LRP1B: variants seen among roughly 807,000 people sequenced by gnomAD.
LRP1B encodes LDL receptor related protein 1B.
In LRP1B, 217 loss-of-function variants were observed where a neutral mutation model predicts 556.6. That is an observed-to-expected ratio of 0.39 (90% CI 0.35 to 0.44). The LOEUF (loss-of-function observed/expected upper bound fraction) is 0.44, where lower values mean the gene tolerates loss of function less well. LRP1B is among the 20% of genes least tolerant of loss of function. The pLI, the probability that LRP1B is intolerant of heterozygous loss-of-function variation, is 1.00. For missense variants in LRP1B, 5,053 were observed against 5,620.8 expected (o/e 0.90, Z 3.23); for synonymous variants, 2,047 against 1,865.8 (o/e 1.10, Z -2.50).
intron 1 of LRP1B, among the ~76,000 whole-genome samples, chr2:141,960,368 C>T (rs1336585401): frequency 1.3e-5 from 2 of 151,852 alleles, no homozygotes; most frequent in Non-Finnish European, 2.9e-5. Context: ...GACTCTCATT[C>T]CATTTTGCTT....
At chr2:141,864,424 C>A (rs903977924) in intron 1 of LRP1B, among the ~76,000 whole-genome samples, 1 of 152,100 alleles carries the variant, frequency 6.6e-6, no homozygotes, top group Non-Finnish European at 1.5e-5. Context: ...TCATTTAATT[C>A]CTTGGAGATC....
intron 2 of LRP1B, among the ~76,000 whole-genome samples, chr2:141,689,886 CTGAT>C (rs1691451927): frequency 1.3e-5 from 2 of 151,622 alleles, no homozygotes. Context: ...TATAAAAAGA[CTGAT>C]TGAAATGTAA....
chr2:141,034,811 G>T (rs1393902448), intron 11 of LRP1B, among the ~76,000 whole-genome samples: 1 of 149,208 alleles, frequency 6.7e-6, no homozygotes, highest in Non-Finnish European at 1.5e-5. Context: ...ATTCCTCAGG[G>T]ATCTAGAAGT....
chr2:141,691,660 C>T (rs1691537386), intron 2 of LRP1B, among the ~76,000 whole-genome samples: 1 of 151,816 alleles, frequency 6.6e-6, no homozygotes, highest in East Asian at 1.9e-4. Flanking sequence ...GCAGTATTTG[C>T]CATTATTAAT....
intron 31 of LRP1B, among the ~76,000 whole-genome samples, chr2:140,826,557 A>G (rs765667184): frequency 1.3e-5 from 2 of 152,194 alleles, no homozygotes; most frequent in African/African-American, 2.4e-5. Flanking sequence ...CCCTGAAGCC[A>G]TAGAGAAGTG....
intron 2 of LRP1B, among the ~76,000 whole-genome samples, chr2:141,499,546 GTTCT>G (rs1559106820): frequency 6.6e-6 from 1 of 151,956 alleles, no homozygotes; most frequent in Non-Finnish European, 1.5e-5. Context: ...TCTTTGGAAG[GTTCT>G]TTATGTTCCT....
intron 1 of LRP1B, among the ~76,000 whole-genome samples, chr2:141,982,915 TTC>T (rs906533852): frequency 6.6e-6 from 1 of 152,250 alleles, no homozygotes; most frequent in African/African-American, 2.4e-5. Flanking sequence ...TCATTTGCAT[TTC>T]TGTCACATTT....
chr2:141,420,107 G>C (rs1373506683), intron 3 of LRP1B, among the ~76,000 whole-genome samples: 1 of 152,122 alleles, frequency 6.6e-6, no homozygotes, highest in African/African-American at 2.4e-5. Context: ...TGAAAGTGGG[G>C]TATAAAAATG....
Position 140,739,265 on chromosome 2 carries a change from G to A in LRP1B, c.5759-22449C>T, listed in dbSNP as rs112536937. On this transcript the variant is annotated intron_variant, in intron 35 of 90. Transcript: ENST00000389484. ...ATTGTAGCCTTTGCAGAGATTTGGG[G>A]ATTTGCAAAGCAGGAATGTCAGAAG... is the stretch of plus-strand genomic sequence containing the variant. 1.5e-3 allele frequency among the ~76,000 whole-genome samples: 222 copies of A among 152,152 alleles called. 3 individuals carry two copies. Among genetic ancestry groups the A allele is most frequent in the African/African-American group, 5.1e-3 (210 of 41,504 alleles).
intron 84 of LRP1B, among the ~76,000 whole-genome samples, chr2:140,294,978 G>A (rs1444567191): frequency 2.0e-5 from 3 of 152,126 alleles, no homozygotes; most frequent in Non-Finnish European, 2.9e-5. Context: ...CTGGGTTCAC[G>A]CCATCATCCT....
intron 1 of LRP1B, among the ~76,000 whole-genome samples, chr2:142,052,676 C>A (rs1488986285): frequency 6.6e-6 from 1 of 152,032 alleles, no homozygotes; most frequent in Non-Finnish European, 1.5e-5. Flanking sequence ...TTTTTCCCTA[C>A]CACTCTCATC....
chr2:141,378,836 G>A (rs1483610161), intron 3 of LRP1B, among the ~76,000 whole-genome samples: 1 of 152,138 alleles, frequency 6.6e-6, no homozygotes, highest in African/African-American at 2.4e-5. Context: ...AGAGCTGAAA[G>A]CCCAAATATG....
At chr2:140,850,022 G>C in intron 29 of LRP1B, 80 bp downstream of exon 29, 3 of 909,896 alleles carry the variant, frequency 3.3e-6, no homozygotes, top group Non-Finnish European at 5.1e-6. Context: ...GAATAAAAGA[G>C]AAAGAATATA....
At position 140,932,840 on chromosome 2, in the gene LRP1B, C is replaced by T. The variant is rs113820403; in HGVS notation, c.3137-9693G>A. 6.5e-3 allele frequency among the ~76,000 whole-genome samples: 972 copies of T among 149,408 alleles called. 15 individuals carry two copies. Among genetic ancestry groups the T allele is most frequent in the African/African-American group, 0.023 (923 of 40,484 alleles). On this transcript the variant is annotated intron_variant, in intron 20 of 90. Coordinates refer to ENST00000389484, the MANE Select transcript of LRP1B (RefSeq NM_018557.3). ...TCAGTGAGCTGTGATTGTGCCAGTA[C>T]ACTCAATCCTGGGTGAAAGAGTGAG...
At chr2:140,289,569 G>A (rs951339980) in intron 84 of LRP1B, among the ~76,000 whole-genome samples, 3 of 150,850 alleles carry the variant, frequency 2.0e-5, no homozygotes, top group Non-Finnish European at 4.4e-5. Flanking sequence ...GTATAAGCAC[G>A]TACGCCTAAA....
chr2:140,920,360 A>G (rs1177348307), intron 21 of LRP1B, among the ~76,000 whole-genome samples: 1 of 152,040 alleles, frequency 6.6e-6, no homozygotes, highest in East Asian at 1.9e-4. Context: ...CGTTTTGAAC[A>G]CCAATAGATG....
intron 41 of LRP1B, among the ~76,000 whole-genome samples, chr2:140,605,291 A>G (rs1370952268): frequency 1.3e-5 from 2 of 152,118 alleles, no homozygotes; most frequent in South Asian, 2.1e-4. Context: ...CAGCCCAGGC[A>G]AAGAGCCTAA....
chr2:141,334,498 C>T (rs1687774108), intron 3 of LRP1B, among the ~76,000 whole-genome samples: 1 of 152,204 alleles, frequency 6.6e-6, no homozygotes, highest in Admixed American at 6.5e-5. Context: ...TATAAATTAT[C>T]CACTTTCAGG....
intron 33 of LRP1B, among the ~76,000 whole-genome samples, chr2:140,772,778 A>G (rs1427196248): frequency 1.3e-5 from 2 of 152,190 alleles, no homozygotes; most frequent in Admixed American, 1.3e-4. Context: ...TTAACTATAG[A>G]GCTTGAAAGA....
Sources: gnomAD v4.1 joint callset for allele counts (sites outside exome capture counted in the v4.1 genomes callset) on GRCh38, gnomAD v4.1.1 for gene constraint, MANE v1.5 for transcripts, NCBI Gene and HGNC (gene_info 2026-07-23, HGNC 2026-07-21) for gene names.